The following PFKL variants were observed in gnomAD, a reference collection of about 807,000 sequenced individuals.
The protein encoded by PFKL is ATP-dependent 6-phosphofructokinase, liver type.
Under a neutral mutation model 92.1 loss-of-function variants are expected in PFKL, and 74 were observed. The ratio of observed to expected loss-of-function variants is 0.80; its 90% CI spans 0.67 to 0.97. The LOEUF (loss-of-function observed/expected upper bound fraction) is 0.97. Ranked by LOEUF, PFKL falls within the 50% of genes least tolerant of loss-of-function variation. The pLI is 0.00. For synonymous variants in PFKL, 494 were observed against 456.4 expected (o/e 1.08, Z -1.05); for missense variants, 1,028 against 1,116.6 (o/e 0.92, Z 1.13).
chr21:44,300,434 T>C (rs1284233836), intron 1 of PFKL, among the ~76,000 whole-genome samples: 2 of 152,018 alleles, frequency 1.3e-5, no homozygotes, highest in Non-Finnish European at 2.9e-5. Flanking sequence ...GCCCGCGCCC[T>C]GCCCCGGGGG....
At chr21:44,302,913 C>T (rs1229223081) in intron 1 of PFKL, among the ~76,000 whole-genome samples, 4 of 152,186 alleles carry the variant, frequency 2.6e-5, no homozygotes, top group African/African-American at 4.8e-5. Flanking sequence ...TCTATTTGCA[C>T]AATAACCTGT....
intron 16 of PFKL, among the ~76,000 whole-genome samples, chr21:44,324,203 G>A (rs965144816): frequency 3.3e-5 from 5 of 152,134 alleles, no homozygotes; most frequent in Admixed American, 2.0e-4. Flanking sequence ...TAAGAGCAGC[G>A]CCTGGCCTCT....
chr21:44,320,015 A>ACGGCTGCGCTGTGGCTGTACGC, intron 11 of PFKL, 69 bp from the exon 12 acceptor site: 1 of 1,428,742 alleles, frequency 7.0e-7, no homozygotes, highest in East Asian at 2.3e-5. Context: ...GGGCTCTGTC[A>ACGGCTGCGCTGTGGCTGTACGC]CGGCTGCGCT....
At chr21:44,310,430 C>T (rs981359065) in intron 2 of PFKL, among the ~76,000 whole-genome samples, 2 of 152,174 alleles carry the variant, frequency 1.3e-5, no homozygotes, top group African/African-American at 4.8e-5. Flanking sequence ...CCCAGGAGCT[C>T]CCTCGGGTGG....
Position 44,311,018 on chromosome 21 carries a change from C to T in PFKL, c.172C>T (p.Leu58Phe). 1 of 1,612,954 alleles carries T rather than the reference C, an allele frequency of 6.2e-7. No individual in the cohort carries two copies. The highest frequency in any genetic ancestry group is 8.5e-7 in the Non-Finnish European group (1 of 1,179,474). ...VFLIYEGYEG[L>F]VEGGENIKQA... The stretch of plus-strand genomic sequence containing the variant: ...CTCTTGATTTCAGGGCTATGAGGGC[C>T]TCGTGGAGGGAGGTGAGAACATCAA... The change falls in exon 3 of 22, where the codon CTC becomes TTC. Residue 58 changes from leucine (L) to phenylalanine (F), a missense_variant. Leu to Phe is a conservative substitution (Grantham distance 22, BLOSUM62 0). Transcript: ENST00000349048.
rs191089157 is a variant in PFKL, at chr21:44,321,330, C to A, written c.1192-399C>A. 3.4e-3 allele frequency: 587 copies of A among 170,402 alleles called. 7 individuals are homozygous for A. Among genetic ancestry groups the A allele is most frequent in the African/African-American group, 0.013 (561 of 42,194 alleles). 10.6% of individuals were successfully genotyped at this position (170,402 alleles called of 1,614,324 possible). A position where few individuals can be genotyped will look rare whatever the true frequency, so the allele number is the denominator to read the frequency against. On this transcript the variant is annotated intron_variant, in intron 12 of 21. Transcript: ENST00000349048. ...CTCCATGTCTTTTCCCTTCCCTTAA[C>A]GTGGCTACTAGAAAACAGGATAGCC... is the stretch of plus-strand genomic sequence containing the variant.
Position 44,326,284 on chromosome 21 carries a change from C to G in PFKL, c.2195+20C>G. On this transcript the variant is annotated intron_variant, in intron 21 of 21. Coordinates refer to ENST00000349048, the MANE Select transcript of PFKL (RefSeq NM_002626.6). ...TTTCGAGTGAGTTCCACCAAAGCCT[C>G]GTGGAGGCGGGTGGGGCTGAGGGGT... 4 of 1,562,850 alleles carry G rather than the reference C, an allele frequency of 2.6e-6. No individual in the cohort carries two copies. Among genetic ancestry groups the G allele is most frequent in the Non-Finnish European group, 3.5e-6 (4 of 1,138,740 alleles).
At chr21:44,319,436 C>A (rs1369134244) in intron 11 of PFKL, 21 bp downstream of exon 11, 1 of 1,606,092 alleles carries the variant, frequency 6.2e-7, no homozygotes, top group African/African-American at 1.3e-5. Flanking sequence ...TCAGCAGACC[C>A]CTGCACTCTT....
chr21:44,319,340 T>C lies in PFKL; in HGVS notation c.1063-11T>C, dbSNP rs760696701. The C allele has an allele frequency of 1.9e-6, 3 of 1,611,616 alleles. 1 individual carries two copies. In the South Asian group the frequency reaches 3.3e-5, roughly 18 times the overall value. On this transcript the variant is annotated splice_polypyrimidine_tract_variant and intron_variant, in intron 10 of 21. Transcript: ENST00000349048. ...CTCTCCATAGTCTGTGTTCTGTTTC[T>C]CTTCCTTAAGACCAAGGAAGTGCAG...
intron 3 of PFKL, among the ~76,000 whole-genome samples, chr21:44,311,288 A>C (rs2047037098): frequency 6.6e-6 from 1 of 151,796 alleles, no homozygotes; most frequent in Non-Finnish European, 1.5e-5. Context: ...GCACGGACAC[A>C]CAGGCGCGCA....
chr21:44,302,179 G>C (rs544462135), intron 1 of PFKL, among the ~76,000 whole-genome samples: 1 of 152,362 alleles, frequency 6.6e-6, no homozygotes, highest in African/African-American at 2.4e-5. Flanking sequence ...CAGTGCACCT[G>C]CTGGCCGATC....
chr21:44,312,641 G>A (rs2047081226), intron 4 of PFKL, among the ~76,000 whole-genome samples: 1 of 152,236 alleles, frequency 6.6e-6, no homozygotes, highest in South Asian at 2.1e-4. Flanking sequence ...TAGAGTTGAA[G>A]TTGGGGTGAC....
In PFKL at chr21:44,313,692, G is replaced by A. The variant is rs1378264646; in HGVS notation, c.638+10G>A. On this transcript the variant is annotated intron_variant, in intron 6 of 21. Coordinates refer to ENST00000349048, the MANE Select transcript of PFKL (RefSeq NM_002626.6). ...TGGGCCGGCACTGCGGGTGAGGAGG[G>A]GCTTCCTGGCCCGCTGGGTGGCCCG... The A allele has an allele frequency of 1.2e-6, 2 of 1,609,970 alleles. No homozygotes were observed. Among genetic ancestry groups the A allele is most frequent in the African/African-American group, 2.7e-5 (2 of 74,904 alleles).
At position 44,319,560 on chromosome 21, in the gene PFKL, G is replaced by A. The variant is rs1212167654; in HGVS notation, c.1127+145G>A. ...AAGATCGAGGGAGGAAGGGGCCTGC[G>A]GGTGGTACAGGAGGCGGGCTGGGAG... On this transcript the variant is annotated intron_variant, in intron 11 of 21. Coordinates refer to ENST00000349048, the MANE Select transcript of PFKL (RefSeq NM_002626.6). 1.1e-5 allele frequency: 8 copies of A among 719,828 alleles called. No homozygotes were observed. The East Asian group carries it at 1.6e-4, about 14-fold the overall frequency. The allele number at this position is 719,828 out of a possible 1,614,324, so 44.6% of individuals were successfully genotyped here.
rs1033736960 is a variant in PFKL at position 44,327,186 on chromosome 21, T to C, written c.*324T>C. 4.9e-6 allele frequency: 2 copies of C among 406,256 alleles called. No individual in the cohort carries two copies. The highest frequency in any genetic ancestry group is 4.0e-5 in the African/African-American group (2 of 49,686). 25.2% of individuals were successfully genotyped at this position (406,256 alleles called of 1,614,324 possible). A position where few individuals can be genotyped will look rare whatever the true frequency, so the allele number is the denominator to read the frequency against. On this transcript the variant is annotated 3_prime_UTR_variant, in exon 22 of 22. Transcript: ENST00000349048. The stretch of plus-strand genomic sequence containing the variant: ...CCCATGGGCCCTCAGCGTCTCCCCA[T>C]GCTGGGCTCACTACATGGGCCAGCC...
chr21:44,308,385 C>A (rs1455111009), intron 2 of PFKL, among the ~76,000 whole-genome samples: 2 of 152,044 alleles, frequency 1.3e-5, no homozygotes, highest in Admixed American at 6.6e-5. Flanking sequence ...GGGAAGACTT[C>A]CCCTCCGTCC....
intron 9 of PFKL, among the ~76,000 whole-genome samples, chr21:44,317,657 A>G (rs1389874847): frequency 2.6e-5 from 4 of 152,172 alleles, no homozygotes; most frequent in East Asian, 3.9e-4. Flanking sequence ...GAGCGTCAGC[A>G]TTCTTGTGCT....
At chr21:44,301,967 G>A (rs1187925842) in intron 1 of PFKL, among the ~76,000 whole-genome samples, 3 of 152,328 alleles carry the variant, frequency 2.0e-5, no homozygotes, top group South Asian at 2.1e-4. Context: ...TTGGGCCAGC[G>A]GGGAGGGGCA....
Position 44,318,562 on chromosome 21 carries a change from A to C in PFKL, c.1029A>C (p.Ser343=). Residue 343 remains serine, a synonymous_variant, in exon 10 of 22, where the codon TCA becomes TCC. Coordinates refer to ENST00000349048, the MANE Select transcript of PFKL (RefSeq NM_002626.6). ...TGGTCACCCTCTCGGGGAACCAGTC[A>C]GTGCGGCTGCCCCTCATGGAGTGCG... ...ACVVTLSGNQ[S]VRLPLMECVQ... 6.4e-7 allele frequency: 1 copy of C among 1,561,514 alleles called. No homozygotes were observed. Among genetic ancestry groups the C allele is most frequent in the Non-Finnish European group, 8.7e-7 (1 of 1,146,260 alleles).
Sources: allele counts gnomAD v4.1 joint callset (sites outside exome capture counted in the v4.1 genomes callset), GRCh38; gene constraint gnomAD v4.1.1; transcripts MANE v1.5; gene names NCBI Gene and HGNC (gene_info 2026-07-23, HGNC 2026-07-21).